The following DSC3 variants were observed in gnomAD, a reference collection of about 807,000 sequenced individuals.
The protein encoded by DSC3 is desmocollin 3, also known as desmocollin-3.
In DSC3, 97 loss-of-function variants were observed where a neutral mutation model predicts 89.5. The ratio of observed to expected loss-of-function variants is 1.08; its 90% CI spans 0.92 to 1.28. The LOEUF is 1.28. Ranked by LOEUF, DSC3 falls within the 50% of genes most tolerant of loss-of-function variation. The probability of loss-of-function intolerance (pLI) is 0.00; values close to 1 mark genes in which losing one functional copy is unlikely to be tolerated. For synonymous variants in DSC3, 436 were observed against 384.1 expected (o/e 1.14, Z -1.58); for missense variants, 1,199 against 1,085.3 (o/e 1.10, Z -1.47).
chr18:31,022,558 C>T, intron 6 of DSC3, 56 bp from the exon 7 acceptor site: 4 of 1,562,504 alleles, frequency 2.6e-6, no homozygotes, highest in South Asian at 1.1e-5. Context: ...AATATACTTT[C>T]AAAAGTATCT....
rs1757286364 is a variant in DSC3, at chr18:31,031,015, C to T, written c.312G>A (p.Gln104=). 1 of 1,614,040 alleles carries T rather than the reference C, an allele frequency of 6.2e-7. No homozygotes were observed. Among genetic ancestry groups the T allele is most frequent in the East Asian group, 2.2e-5 (1 of 44,860 alleles). The change falls in exon 3 of 16, where the codon CAG becomes CAA. Residue 104 remains glutamine, a synonymous_variant. Transcript: ENST00000360428. ...FTIWLSDKRK[Q]TQKEVTVLLE... ...GCAGCACAGTAACCTCTTTCTGTGT[C>T]TGTTTCCTTTTGTCAGAAAGCCATA...
At position 30,993,819 on chromosome 18, in the gene DSC3, A is replaced by G; in HGVS notation, c.*356T>C. ...ATATTTCTTGTTTATTTTTTAAACTATCACTTAAAGTGAATACATAATAAT... is the reference window on the plus strand; with the variant it reads ...ATATTTCTTGTTTATTTTTTAAACTGTCACTTAAAGTGAATACATAATAAT... On this transcript the variant is annotated 3_prime_UTR_variant, in exon 16 of 16. Coordinates refer to ENST00000360428, the MANE Select transcript of DSC3 (RefSeq NM_001941.5). 1 of 186,974 alleles carries G rather than the reference A, an allele frequency of 5.3e-6. No homozygotes were observed. Among genetic ancestry groups the G allele is most frequent in the South Asian group, 9.8e-5 (1 of 10,174 alleles). 11.6% of individuals were successfully genotyped at this position (186,974 alleles called of 1,614,324 possible).
chr18:31,008,735 A>G (rs1949862129), intron 9 of DSC3, among the ~76,000 whole-genome samples: 2 of 152,184 alleles, frequency 1.3e-5, no homozygotes, highest in African/African-American at 2.4e-5. Context: ...AGGTAGTTTC[A>G]TAGAGTTGGA....
chr18:31,008,375 T>C lies in DSC3; in HGVS notation c.1414A>G (p.Thr472Ala). 6.2e-7 allele frequency: 1 copy of C among 1,613,956 alleles called. No individual in the cohort carries two copies. The highest frequency in any genetic ancestry group is 1.1e-5 in the South Asian group (1 of 91,076). Reference protein sequence around the residue: ...VRDLDEGPECTPAAQYVRIKE... With the variant: ...VRDLDEGPECAPAAQYVRIKE... ...ATCCGCACATATTGGGCTGCAGGAG[T>C]GCATTCAGGCCCCTCATCCAGATCC... Residue 472 changes from threonine to alanine, a missense_variant, in exon 10 of 16, where the codon ACT (threonine) becomes GCT (alanine). By Grantham distance (58) the Thr-to-Ala change is moderately conservative. Coordinates refer to ENST00000360428, the MANE Select transcript of DSC3 (RefSeq NM_001941.5).
chr18:31,040,566 G>A (rs1986098972), intron 1 of DSC3, among the ~76,000 whole-genome samples: 1 of 152,054 alleles, frequency 6.6e-6, no homozygotes, highest in South Asian at 2.1e-4. Flanking sequence ...TGGGGCACAC[G>A]GTGGGAAGGA....
At chr18:31,040,043 T>C (rs533992018) in intron 1 of DSC3, among the ~76,000 whole-genome samples, 55 of 152,272 alleles carry the variant, frequency 3.6e-4, no homozygotes, top group Non-Finnish European at 6.9e-4. Context: ...CAAGTTTTTC[T>C]GGTAAGGACT....
intron 14 of DSC3, among the ~76,000 whole-genome samples, chr18:31,000,319 C>T (rs558908508): frequency 6.6e-6 from 1 of 152,160 alleles, no homozygotes; most frequent in Non-Finnish European, 1.5e-5. Context: ...TTATTCATCC[C>T]TATCTTAATA....
chr18:31,038,742 T>C (rs565233688), intron 1 of DSC3, among the ~76,000 whole-genome samples: 3 of 152,202 alleles, frequency 2.0e-5, no homozygotes, highest in Non-Finnish European at 4.4e-5. Flanking sequence ...AATAATAAAA[T>C]GAACATTAGG....
chr18:31,033,980 C>T (rs1353556128), intron 1 of DSC3, among the ~76,000 whole-genome samples: 1 of 152,096 alleles, frequency 6.6e-6, no homozygotes, highest in Non-Finnish European at 1.5e-5. Context: ...CCCGCTACCA[C>T]GATCGGCTAA....
At chr18:31,031,582 T>C (rs911470795) in intron 2 of DSC3, among the ~76,000 whole-genome samples, 3 of 152,146 alleles carry the variant, frequency 2.0e-5, no homozygotes, top group Non-Finnish European at 2.9e-5. Context: ...TGAGAAGCCA[T>C]GAGCCAAAGA....
In DSC3 at chr18:31,042,642, G is replaced by C. The variant is rs1259299480; in HGVS notation, c.19C>G (p.Arg7Gly). ...CAGACGGCTCCGCGCACGGAGCGCC[G>C]GGGCCCAGCGGCGGCCATCGGGATG... Reference protein sequence around the residue: MAAAGPRRSVRGAVCLH... With the variant: MAAAGPGRSVRGAVCLH... The change falls in exon 1 of 16, where the codon CGG becomes GGG. Residue 7 changes from arginine to glycine, a missense_variant. Transcript: ENST00000360428. 1.3e-6 allele frequency: 2 copies of C among 1,549,744 alleles called. No homozygotes were observed. The highest frequency in any genetic ancestry group is 8.7e-7 in the Non-Finnish European group (1 of 1,146,478).
Position 31,036,329 on chromosome 18 carries a change from AT to A in DSC3, c.70-4054del, listed in dbSNP as rs557331034. ...AGATTGACTGTATTTTCTTGTGTTTATTTGCCATTTATCTTCTGTAAATCAT... is the reference window on the plus strand; with the variant it reads ...AGATTGACTGTATTTTCTTGTGTTTATTGCCATTTATCTTCTGTAAATCAT... On this transcript the variant is annotated intron_variant, in intron 1 of 15. Coordinates refer to ENST00000360428, the MANE Select transcript of DSC3 (RefSeq NM_001941.5). 4.6e-3 allele frequency among the ~76,000 whole-genome samples: 702 copies of A among 151,884 alleles called. 4 individuals carry two copies. The highest frequency in any genetic ancestry group is 7.0e-3 in the Non-Finnish European group (473 of 67,912).
At chr18:31,021,230 A>C (rs554093239) in intron 7 of DSC3, among the ~76,000 whole-genome samples, 2 of 152,178 alleles carry the variant, frequency 1.3e-5, no homozygotes, top group African/African-American at 4.8e-5. Context: ...TAATTTTTCT[A>C]AACCTCATTT....
At chr18:31,041,668 T>C (rs1379774935) in intron 1 of DSC3, among the ~76,000 whole-genome samples, 1 of 152,204 alleles carries the variant, frequency 6.6e-6, no homozygotes. Context: ...AGCCTGAAGC[T>C]TCGCGTGTAA....
chr18:31,032,903 C>T (rs1449671095), intron 1 of DSC3, among the ~76,000 whole-genome samples: 1 of 151,988 alleles, frequency 6.6e-6, no homozygotes, highest in African/African-American at 2.4e-5. Context: ...TGTTTCTATA[C>T]ACAGATGACA....
intron 9 of DSC3, among the ~76,000 whole-genome samples, chr18:31,017,479 A>G (rs911516973): frequency 2.0e-5 from 3 of 152,172 alleles, no homozygotes; most frequent in Admixed American, 6.5e-5. Flanking sequence ...CACCAAATAT[A>G]CAACATACTG....
At chr18:31,000,146 A>G (rs1212271956) in intron 14 of DSC3, among the ~76,000 whole-genome samples, 1 of 152,044 alleles carries the variant, frequency 6.6e-6, no homozygotes, top group Non-Finnish European at 1.5e-5. Flanking sequence ...TTGAAGAGAG[A>G]AATAGTGAAT....
intron 1 of DSC3, among the ~76,000 whole-genome samples, chr18:31,033,871 T>C (rs1313599): frequency 0.5 from 75,686 of 151,682 alleles, 19,284 homozygotes; most frequent in East Asian, 0.88. Flanking sequence ...TCGCCCAGTC[T>C]GGAGTGCAGT....
intron 2 of DSC3, 60 bp downstream of exon 2, chr18:31,032,132 G>T: frequency 8.4e-7 from 1 of 1,191,494 alleles, no homozygotes. Context: ...ATTATATCAT[G>T]CTCTTTCCAG....
Sources: gnomAD v4.1 joint callset for allele counts (sites outside exome capture counted in the v4.1 genomes callset) on GRCh38, gnomAD v4.1.1 for gene constraint, MANE v1.5 for transcripts, NCBI Gene and HGNC (gene_info 2026-07-23, HGNC 2026-07-21) for gene names.